The following TRIM4 variants were observed in gnomAD, a reference collection of about 807,000 sequenced individuals.
The protein encoded by TRIM4 is E3 ubiquitin-protein ligase TRIM4.
Under a neutral mutation model 33.7 loss-of-function variants are expected in TRIM4, and 29 were observed. That is an observed-to-expected ratio of 0.86 (90% CI 0.64 to 1.17). The LOEUF is 1.17. Among genes scored for constraint, TRIM4 ranks in the 50% most tolerant of loss-of-function variants. The pLI is 0.00. For synonymous variants in TRIM4, 224 were observed against 233.0 expected (o/e 0.96, Z 0.35); for missense variants, 554 against 593.7 (o/e 0.93, Z 0.69).
At position 99,907,190 on chromosome 7, in the gene TRIM4, T is replaced by G. The variant is rs560251676; in HGVS notation, c.720+1392A>C. Among the ~76,000 whole-genome samples the G allele has an allele frequency of 1.5e-4, 23 of 152,358 alleles. 1 individual carries two copies. Among genetic ancestry groups the G allele is most frequent in the African/African-American group, 5.0e-4 (21 of 41,590 alleles). ...TGGAGTGCAGTGGCACAATCTCGGC[T>G]CACTGCAATCTCTGTCTCCCGGGTT... On this transcript the variant is annotated intron_variant, in intron 3 of 5. Transcript: ENST00000349062.
intron 3 of TRIM4, among the ~76,000 whole-genome samples, chr7:99,905,530 C>T (rs1031016746): frequency 3.9e-5 from 6 of 152,238 alleles, no homozygotes; most frequent in African/African-American, 1.4e-4. Flanking sequence ...CAGTACTATA[C>T]AGCGGGCACT....
intron 1 of TRIM4, among the ~76,000 whole-genome samples, chr7:99,909,915 A>T (rs907063258): frequency 6.6e-6 from 1 of 151,724 alleles, no homozygotes; most frequent in East Asian, 1.9e-4. Flanking sequence ...TATGTTTCGT[A>T]GAGACAAAGT....
intron 5 of TRIM4, among the ~76,000 whole-genome samples, chr7:99,900,185 G>C (rs1008436376): frequency 2.0e-5 from 3 of 152,224 alleles, no homozygotes; most frequent in Non-Finnish European, 4.4e-5. Context: ...CCCAGATAGA[G>C]CCAGCGTTCT....
Position 99,919,416 on chromosome 7 carries a change from G to C in TRIM4, c.-15C>G. ...TCAGCTTCCATGCTGCTTCCCTGCC[G>C]CGGAGACGGAGTCCGACGTGAGGCG... On this transcript the variant is annotated 5_prime_UTR_variant, in exon 1 of 6. Transcript: ENST00000349062. The C allele has an allele frequency of 6.6e-7, 1 of 1,520,844 alleles. No homozygotes were observed. Among genetic ancestry groups the C allele is most frequent in the Non-Finnish European group, 8.8e-7 (1 of 1,135,856 alleles). 94.2% of individuals were successfully genotyped at this position (1,520,844 alleles called of 1,614,324 possible). A position where few individuals can be genotyped will look rare whatever the true frequency, so the allele number is the denominator to read the frequency against.
Position 99,891,983 on chromosome 7 carries a change from C to G in TRIM4, c.*180G>C. Reference sequence around the variant, plus strand: ...CTGTCCCATCTCCATTGGCCAGACCCACCTCCCATGGGACTGCCTCTTGTG... The same window carrying G: ...CTGTCCCATCTCCATTGGCCAGACCGACCTCCCATGGGACTGCCTCTTGTG... On this transcript the variant is annotated 3_prime_UTR_variant, in exon 6 of 6. Coordinates refer to ENST00000349062, the MANE Select transcript of TRIM4 (RefSeq NM_033091.3). 1.7e-6 allele frequency: 1 copy of G among 589,934 alleles called. No individual in the cohort carries two copies. The allele number at this position is 589,934 out of a possible 1,614,324, so 36.5% of individuals were successfully genotyped here. A position where few individuals can be genotyped will look rare whatever the true frequency, so the allele number is the denominator to read the frequency against.
At chr7:99,903,931 G>C (rs762890554) in intron 3 of TRIM4, among the ~76,000 whole-genome samples, 5 of 152,094 alleles carry the variant, frequency 3.3e-5, no homozygotes, top group African/African-American at 4.8e-5. Context: ...CTCCAGCTTT[G>C]AGCTTCCACT....
At chr7:99,903,701 T>C (rs1489663614) in intron 3 of TRIM4, 103 bp from the exon 4 acceptor site, 23 of 1,275,526 alleles carry the variant, frequency 1.8e-5, no homozygotes, top group Non-Finnish European at 2.5e-5. Flanking sequence ...TTTGCTCATG[T>C]CACATATGAT....
rs1819244320 is a variant in TRIM4, at chr7:99,904,246, T to G, written c.721-648A>C. ...ACATATCAGGTAACCAATGGCAACG[T>G]GTATTTAAAAAATACAGCTCCTCCA... On this transcript the variant is annotated intron_variant, in intron 3 of 5. Transcript: ENST00000349062. 2.0e-5 allele frequency among the ~76,000 whole-genome samples: 3 copies of G among 152,142 alleles called. No homozygotes were observed. In the South Asian group the frequency reaches 6.2e-4, roughly 32 times the overall value.
intron 5 of TRIM4, 52 bp downstream of exon 5, chr7:99,903,166 C>A (rs371077279): frequency 7.4e-6 from 10 of 1,360,470 alleles, no homozygotes; most frequent in East Asian, 4.5e-5. Flanking sequence ...TCTCTTTATT[C>A]TCCTATTTGA....
Position 99,919,047 on chromosome 7 carries a change from CG to C in TRIM4, c.354del (p.His118GlnfsTer28), listed in dbSNP as rs767284207. On this transcript the variant is annotated frameshift_variant, in exon 1 of 6. Transcript: ENST00000349062. LOFTEE classifies it high-confidence loss of function. ...AAGGCCTCGTCGATGGGTGCCATGG[CG>C]TGAGTCTGGTGCTCCTGGGACTCCC... ...VCRESQEHQT[H>X]AMAPIDEAFE... is the part of the protein sequence containing the mutation. 1.9e-6 allele frequency: 3 copies of C among 1,583,144 alleles called. No homozygotes were observed. The highest frequency in any genetic ancestry group is 2.6e-6 in the Non-Finnish European group (3 of 1,166,772).
chr7:99,916,843 C>T (rs1819566226), intron 1 of TRIM4: 1 of 766,204 alleles, frequency 1.3e-6, no homozygotes, highest in South Asian at 1.4e-5. Flanking sequence ...TCCCCACTGC[C>T]TGAAAGAGAA....
intron 3 of TRIM4, among the ~76,000 whole-genome samples, chr7:99,907,131 T>C (rs1452488654): frequency 1.3e-5 from 2 of 152,176 alleles, no homozygotes; most frequent in African/African-American, 4.8e-5. Context: ...TTTGTTTTGT[T>C]TTTTGGTATG....
chr7:99,908,758 TG>T lies in TRIM4; in HGVS notation c.543del (p.His181GlnfsTer15). 1 of 1,614,232 alleles carries T rather than the reference TG, an allele frequency of 6.2e-7. No individual in the cohort carries two copies. Among genetic ancestry groups the T allele is most frequent in the Non-Finnish European group, 8.5e-7 (1 of 1,180,044 alleles). On this transcript the variant is annotated frameshift_variant, in exon 3 of 6. Coordinates refer to ENST00000349062, the MANE Select transcript of TRIM4 (RefSeq NM_033091.3). LOFTEE classifies it high-confidence loss of function. ...AGGTCCTCTTCTTCAACCAGGAAGT[TG>T]TGCAGCTTTGAAAACTCCGTGCTGA... Reference protein sequence around the residue: ...MRISTEFSKLHNFLVEEEDLF... With the variant: ...MRISTEFSKLXNFLVEEEDLF...
chr7:99,909,466 A>G (rs1819386697), intron 2 of TRIM4, 99 bp downstream of exon 2: 2 of 953,732 alleles, frequency 2.1e-6, no homozygotes, highest in South Asian at 3.0e-5. Flanking sequence ...CTCTACGTGA[A>G]CTGCAAAACC....
At chr7:99,916,836 C>T in intron 1 of TRIM4, 1 of 772,712 alleles carries the variant, frequency 1.3e-6, no homozygotes. Context: ...TTATAACTCC[C>T]CACTGCCTGA....
intron 5 of TRIM4, among the ~76,000 whole-genome samples, chr7:99,902,554 T>C (rs1480551175): frequency 1.3e-5 from 2 of 152,158 alleles, no homozygotes; most frequent in Non-Finnish European, 2.9e-5. Context: ...GCCTACAACA[T>C]GGTTCTTAAT....
chr7:99,909,678 C>T lies in TRIM4; in HGVS notation c.394-18G>A. The T allele has an allele frequency of 6.3e-7, 1 of 1,576,986 alleles. No homozygotes were observed. Among genetic ancestry groups the T allele is most frequent in the Non-Finnish European group, 8.7e-7 (1 of 1,149,758 alleles). ...AGTTTCTCCTGCCAGCAGAAACACA[C>T]ACAGGTAAGAAAACACATCTCCAAC... On this transcript the variant is annotated intron_variant, in intron 1 of 5. Transcript: ENST00000349062.
At chr7:99,914,723 C>T (rs549182425) in intron 1 of TRIM4, among the ~76,000 whole-genome samples, 24 of 152,360 alleles carry the variant, frequency 1.6e-4, no homozygotes, top group African/African-American at 5.3e-4. Flanking sequence ...ATGGCAGACT[C>T]TGCATCCAGC....
chr7:99,902,685 A>G (rs1819203127), intron 5 of TRIM4, among the ~76,000 whole-genome samples: 1 of 151,436 alleles, frequency 6.6e-6, no homozygotes, highest in African/African-American at 2.4e-5. Context: ...CTCAACCTCA[A>G]CCTCTACCTT....
Sources: allele counts gnomAD v4.1 joint callset (sites outside exome capture counted in the v4.1 genomes callset), GRCh38; gene constraint gnomAD v4.1.1; transcripts MANE v1.5; gene names NCBI Gene and HGNC (gene_info 2026-07-23, HGNC 2026-07-21).